Variants in RAET1G observed in about 807,000 individuals in gnomAD.
RAET1G encodes the protein retinoic acid early transcript 1G, also known as UL-16 binding protein 5.
In RAET1G, 25 loss-of-function variants were observed where a neutral mutation model predicts 29.5. The observed-to-expected ratio is 0.85, with a 90% CI of 0.62 to 1.18. The LOEUF (loss-of-function observed/expected upper bound fraction) is 1.18, where lower values mean the gene tolerates loss of function less well. Ranked by LOEUF, RAET1G falls within the 50% of genes most tolerant of loss-of-function variation. The pLI is 0.00. For synonymous variants in RAET1G, 167 were observed against 159.5 expected, an observed-to-expected ratio of 1.05 and a Z score of -0.36; for missense variants, 434 against 423.6, an observed-to-expected ratio of 1.02 and a Z score of -0.22.
intron 1 of RAET1G, among the ~76,000 whole-genome samples, chr6:149,920,996 C>A (rs1484525356): frequency 6.6e-6 from 1 of 152,220 alleles, no homozygotes; most frequent in African/African-American, 2.4e-5. Context: ...GAAGAAGACA[C>A]CAGTTTCCAG....
At position 149,919,177 on chromosome 6, in the gene RAET1G, C is replaced by G. The variant is rs758635349; in HGVS notation, c.497G>C (p.Arg166Thr). The G allele has an allele frequency of 1.2e-6, 2 of 1,614,230 alleles. No individual in the cohort carries two copies. The highest frequency in any genetic ancestry group is 1.7e-6 in the Non-Finnish European group (2 of 1,180,048). Residue 166 changes from arginine to threonine, a missense_variant, in exon 3 of 5, where the codon AGA becomes ACA. By Grantham distance (71) the Arg-to-Thr change is moderately conservative (BLOSUM62 -1). Coordinates refer to ENST00000367360, the MANE Select transcript of RAET1G (RefSeq NM_001001788.4). ...RMWTTVHPGA[R>T]KMKEKWENDK... The stretch of plus-strand genomic sequence containing the variant: ...ATTCTCCCACTTTTCTTTCATCTTT[C>G]TGGCTCCAGGATGAACCGTTGTCCA...
In RAET1G at chr6:149,922,949, C is replaced by A; in HGVS notation, c.62G>T (p.Ser21Ile). 6.2e-7 allele frequency: 1 copy of A among 1,602,402 alleles called. No individual in the cohort carries two copies. Among genetic ancestry groups the A allele is most frequent in the Non-Finnish European group, 8.5e-7 (1 of 1,175,390 alleles). ...ACCGGCCAGCCCGGTCCTGCACCAG[C>A]TGGACAGCAGGAGCAGAAGCGGGAG... ...LRLPLLLLLS[S>I]WCRTGLADPH... is the part of the protein sequence containing the mutation. The change falls in exon 1 of 5, where the codon AGC (serine) becomes ATC (isoleucine). Residue 21 changes from serine (S) to isoleucine (I), a missense_variant. Ser to Ile is a moderately radical substitution (Grantham distance 142). Coordinates refer to ENST00000367360, the MANE Select transcript of RAET1G (RefSeq NM_001001788.4).
At chr6:149,922,135 T>C (rs368123842) in intron 1 of RAET1G, among the ~76,000 whole-genome samples, 1 of 152,238 alleles carries the variant, frequency 6.6e-6, no homozygotes, top group African/African-American at 2.4e-5. Context: ...TGGGTGCCTC[T>C]ACTCACCAGA....
intron 1 of RAET1G, among the ~76,000 whole-genome samples, chr6:149,922,309 T>C (rs889799722): frequency 3.3e-5 from 5 of 152,072 alleles, no homozygotes; most frequent in African/African-American, 9.7e-5. Flanking sequence ...GGGAGACCTC[T>C]GGGGTGACCA....
At chr6:149,921,496 G>A (rs1778600379) in intron 1 of RAET1G, among the ~76,000 whole-genome samples, 1 of 152,206 alleles carries the variant, frequency 6.6e-6, no homozygotes. Context: ...AGGAAGAGAG[G>A]TCTGGCAGTG....
Position 149,919,692 on chromosome 6 carries a change from T to G in RAET1G, c.210A>C (p.Thr70=), listed in dbSNP as rs755712685. The change falls in exon 2 of 5, where the codon ACA becomes ACC. Residue 70 remains threonine, a synonymous_variant. Transcript: ENST00000367360. ...TCCCCAGGGGACTGACGGGTGTGACTGTCTTGCTGCCACAGTCATAGTGAA... is the reference window on the plus strand; with the variant it reads ...TCCCCAGGGGACTGACGGGTGTGACGGTCTTGCTGCCACAGTCATAGTGAA... ...TFLHYDCGSK[T]VTPVSPLGKK... The G allele has an allele frequency of 1.2e-6, 2 of 1,613,910 alleles. No individual in the cohort carries two copies. Among genetic ancestry groups the G allele is most frequent in the Admixed American group, 1.7e-5 (1 of 60,002 alleles).
chr6:149,918,676 G>T, intron 3 of RAET1G: 2 of 583,792 alleles, frequency 3.4e-6, no homozygotes, highest in South Asian at 4.2e-5. Context: ...CACGAGGCTG[G>T]CCTTGGAGGA....
At chr6:149,919,424 C>CTGGCCT in intron 2 of RAET1G, 100 bp from the exon 3 acceptor site, 2 of 1,603,102 alleles carry the variant, frequency 1.2e-6, no homozygotes, top group Non-Finnish European at 1.7e-6. Context: ...CTGCCACATC[C>CTGGCCT]TGGCCTTGCC....
chr6:149,920,180 C>G (rs1778565794), intron 1 of RAET1G, among the ~76,000 whole-genome samples: 1 of 152,112 alleles, frequency 6.6e-6, no homozygotes, highest in South Asian at 2.1e-4. Context: ...GGAGGTGGGA[C>G]AGGGTGTGGG....
At chr6:149,918,883 G>A (rs117475212) in intron 3 of RAET1G, 160 bp downstream of exon 3, 14,214 of 1,123,010 alleles carry the variant, frequency 0.013, 231 homozygotes, top group Middle Eastern at 0.06. Flanking sequence ...GGGTGGGAGA[G>A]CACAGGCACG....
rs535255506 is a variant in RAET1G, at chr6:149,917,087, G to C, written c.843-13C>G. ...CGCTATTTGGTAGCTGAGGCGGAGA[G>C]AGAGAGGACAGCTTACGTCATTGTT... is the stretch of plus-strand genomic sequence containing the variant. On this transcript the variant is annotated splice_polypyrimidine_tract_variant and intron_variant, in intron 4 of 4. Coordinates refer to ENST00000367360, the MANE Select transcript of RAET1G (RefSeq NM_001001788.4). 6.5e-6 allele frequency: 10 copies of C among 1,539,596 alleles called. No individual in the cohort carries two copies. Among genetic ancestry groups the C allele is most frequent in the Middle Eastern group, 1.7e-4 (1 of 5,750 alleles).
intron 1 of RAET1G, 44 bp downstream of exon 1, chr6:149,922,882 C>T (rs1481171834): frequency 7.0e-7 from 1 of 1,427,314 alleles, no homozygotes; most frequent in Non-Finnish European, 9.7e-7. Context: ...CACAGCCCCC[C>T]ACGGTTGGCC....
intron 4 of RAET1G, 136 bp from the exon 5 acceptor site, chr6:149,917,210 C>G: frequency 7.9e-7 from 1 of 1,262,268 alleles, no homozygotes. Context: ...TGAAAGTGGA[C>G]CAGGAGCGTG....
rs980196797 is a variant in RAET1G, at chr6:149,919,337, AAG to A, written c.350-15_350-14del. The A allele has an allele frequency of 1.9e-6, 3 of 1,610,596 alleles. No individual in the cohort carries two copies. The highest frequency in any genetic ancestry group is 2.5e-6 in the Non-Finnish European group (3 of 1,177,930). On this transcript the variant is annotated splice_polypyrimidine_tract_variant and intron_variant, in intron 2 of 4. Coordinates refer to ENST00000367360, the MANE Select transcript of RAET1G (RefSeq NM_001001788.4). ...AGGGTGAGGGGTTCTGCCCCCATCAAAGAGAGATCAGCTCTGGCCTTGACAGA... is the reference window on the plus strand; with the variant it reads ...AGGGTGAGGGGTTCTGCCCCCATCAAAGAGATCAGCTCTGGCCTTGACAGA...
chr6:149,919,525 C>T, intron 2 of RAET1G, 28 bp downstream of exon 2: 9 of 1,614,020 alleles, frequency 5.6e-6, no homozygotes, highest in Non-Finnish European at 7.6e-6. Context: ...TATCTGCTCC[C>T]TGCTGTCCTG....
intron 1 of RAET1G, among the ~76,000 whole-genome samples, chr6:149,921,440 C>T (rs1180614635): frequency 1.3e-5 from 2 of 151,986 alleles, no homozygotes; most frequent in Non-Finnish European, 2.9e-5. Flanking sequence ...ACCATCCAGC[C>T]TCAGAGCTGC....
Position 149,919,089 on chromosome 6 carries a change from C to G in RAET1G, c.585G>C (p.Glu195Asp). 1 of 1,614,160 alleles carries G rather than the reference C, an allele frequency of 6.2e-7. No individual in the cohort carries two copies. The highest frequency in any genetic ancestry group is 8.5e-7 in the Non-Finnish European group (1 of 1,180,028). ...TGCTGTCCATGCCCATCAAGAAGTC[C>G]TCAAGCCATCCTGTGCAGTCTCCCA... is the stretch of plus-strand genomic sequence containing the variant. The part of the protein sequence containing the change: ...ISMGDCTGWL[E>D]DFLMGMDSTL... The change falls in exon 3 of 5, where the codon GAG (glutamate) becomes GAC (aspartate). Residue 195 changes from glutamate to aspartate, a missense_variant. By Grantham distance (45) the Glu-to-Asp change is conservative. Transcript: ENST00000367360.
At chr6:149,917,753 G>C (rs1047150423) in intron 4 of RAET1G, among the ~76,000 whole-genome samples, 1 of 152,146 alleles carries the variant, frequency 6.6e-6, no homozygotes, top group African/African-American at 2.4e-5. Context: ...CTTAGCCTCA[G>C]AGATGGAATC....
rs765065685 is a variant in RAET1G at position 149,919,803 on chromosome 6, A to C, written c.99T>G (p.Leu33=). The C allele has an allele frequency of 6.2e-7, 1 of 1,611,952 alleles. No homozygotes were observed. ...CRTGLADPHS[L]CYDITVIPKF... Reference sequence around the variant, plus strand: ...TAGGGATGACGGTGATGTCATAGCAAAGAGAGTGAGGGTCTGTGGAGAAAG... The same window carrying C: ...TAGGGATGACGGTGATGTCATAGCACAGAGAGTGAGGGTCTGTGGAGAAAG... The change falls in exon 2 of 5, where the codon CTT becomes CTG. Residue 33 remains leucine, a synonymous_variant. Transcript: ENST00000367360.
Sources: gnomAD v4.1 joint callset for allele counts (sites outside exome capture counted in the v4.1 genomes callset) on GRCh38, gnomAD v4.1.1 for gene constraint, MANE v1.5 for transcripts, NCBI Gene and HGNC (gene_info 2026-07-23, HGNC 2026-07-21) for gene names.